The following DOCK1 variants were observed in gnomAD, a reference collection of about 807,000 sequenced individuals.
DOCK1 encodes dedicator of cytokinesis protein 1.
A neutral mutation model predicts 262.7 loss-of-function variants in DOCK1; 138 were observed. That is an observed-to-expected ratio of 0.53 (90% CI 0.46 to 0.61). The LOEUF (loss-of-function observed/expected upper bound fraction) is 0.61, where lower values mean the gene tolerates loss of function less well. Among genes scored for constraint, DOCK1 ranks in the 20% least tolerant of loss-of-function variants. The pLI is 0.00. For synonymous variants in DOCK1, 866 were observed against 867.4 expected, an observed-to-expected ratio of 1.00 and a Z score of 0.03; for missense variants, 1,908 against 2,370.7, an observed-to-expected ratio of 0.80 and a Z score of 4.05.
intron 48 of DOCK1, among the ~76,000 whole-genome samples, chr10:127,434,136 A>T (rs1383024196): frequency 6.7e-6 from 1 of 150,124 alleles, no homozygotes. Context: ...TTCATGATGG[A>T]TGGCCGGGCC....
At chr10:127,105,465 T>C (rs2048477460) in intron 23 of DOCK1, among the ~76,000 whole-genome samples, 1 of 152,196 alleles carries the variant, frequency 6.6e-6, no homozygotes, top group Admixed American at 6.5e-5. Context: ...TATGCAGATA[T>C]ACAGGAAAAC....
chr10:127,182,117 G>A (rs370888319), intron 27 of DOCK1, among the ~76,000 whole-genome samples: 22 of 152,128 alleles, frequency 1.4e-4, no homozygotes, highest in Non-Finnish European at 2.5e-4. Context: ...GAGATGGCAC[G>A]CCCCGTTCCC....
intron 1 of DOCK1, among the ~76,000 whole-genome samples, chr10:126,949,470 G>T (rs1364247752): frequency 6.6e-6 from 1 of 152,126 alleles, no homozygotes; most frequent in Non-Finnish European, 1.5e-5. Context: ...GTGTGTGAGG[G>T]AGGGTTGGTC....
rs192412622 is a variant in DOCK1 at position 127,368,629 on chromosome 10, T to C, written c.3433-5152T>C. Among the ~76,000 whole-genome samples, 160 of 152,254 alleles carry C rather than the reference T, an allele frequency of 1.1e-3. 2 individuals carry two copies. Among genetic ancestry groups the C allele is most frequent in the African/African-American group, 3.6e-3 (149 of 41,552 alleles). ...CTGGCAGGGGAAATGTGGAGAGGCA[T>C]TGGGGTCTTCGCGCCCCTTATCCCA... On this transcript the variant is annotated intron_variant, in intron 33 of 51. Coordinates refer to ENST00000623213, the MANE Select transcript of DOCK1 (RefSeq NM_001290223.2).
chr10:127,093,198 T>C (rs537137008), intron 23 of DOCK1, among the ~76,000 whole-genome samples: 1 of 92,354 alleles, frequency 1.1e-5, no homozygotes, highest in Non-Finnish European at 2.3e-5. Flanking sequence ...TCCCTCTCCT[T>C]TTTCTTTCTT....
At chr10:127,271,349 A>AT (rs2060561199) in intron 29 of DOCK1, among the ~76,000 whole-genome samples, 1 of 152,132 alleles carries the variant, frequency 6.6e-6, no homozygotes, top group Non-Finnish European at 1.5e-5. Flanking sequence ...AGCTCCTGCT[A>AT]TTTTTTCAAC....
At chr10:127,295,800 C>T (rs2061486860) in intron 29 of DOCK1, among the ~76,000 whole-genome samples, 2 of 152,184 alleles carry the variant, frequency 1.3e-5, no homozygotes, top group South Asian at 4.2e-4. Context: ...CCTAGATAAC[C>T]AATAAAGTAG....
chr10:127,402,972 AT>A (rs1206664561), intron 38 of DOCK1, 82 bp from the exon 39 acceptor site: 1 of 1,234,594 alleles, frequency 8.1e-7, no homozygotes. Context: ...ACACTGTTTT[AT>A]TTTGAATGAT....
intron 23 of DOCK1, among the ~76,000 whole-genome samples, chr10:127,102,231 G>T (rs1454571097): frequency 6.6e-6 from 1 of 152,154 alleles, no homozygotes; most frequent in African/African-American, 2.4e-5. Context: ...AATCCCAGCA[G>T]TGCTGACCTG....
chr10:127,024,495 G>A (rs530309947), intron 14 of DOCK1, among the ~76,000 whole-genome samples, 190 bp from the exon 15 acceptor site: 6 of 152,314 alleles, frequency 3.9e-5, no homozygotes, highest in African/African-American at 1.4e-4. Context: ...CAATGTGTGA[G>A]AACAGGGGTT....
intron 27 of DOCK1, among the ~76,000 whole-genome samples, chr10:127,220,653 G>A (rs978162677): frequency 6.6e-6 from 1 of 151,962 alleles, no homozygotes; most frequent in Non-Finnish European, 1.5e-5. Flanking sequence ...ATGGAGGAGC[G>A]ATCGGTGTCC....
At chr10:126,976,193 T>C (rs960208731) in intron 2 of DOCK1, among the ~76,000 whole-genome samples, 3 of 152,182 alleles carry the variant, frequency 2.0e-5, no homozygotes, top group Non-Finnish European at 2.9e-5. Context: ...AGATGGGCGC[T>C]GATACTGGGC....
At position 127,328,119 on chromosome 10, in the gene DOCK1, C is replaced by CAAAAAAAAAAAAA. The variant is rs11301683; in HGVS notation, c.3045-10876_3045-10864dup. On this transcript the variant is annotated intron_variant, in intron 29 of 51. Coordinates refer to ENST00000623213, the MANE Select transcript of DOCK1 (RefSeq NM_001290223.2). ...AAGCACCTAGGCTCCTACAAATGGGCAAAAAAAAAAAAAAAAAAAAAAATC... is the reference window on the plus strand; with the variant it reads ...AAGCACCTAGGCTCCTACAAATGGGCAAAAAAAAAAAAAAAAAAAAAAAAAAAAAAAAAAAATC... 2.8e-5 allele frequency among the ~76,000 whole-genome samples: 2 copies of CAAAAAAAAAAAAA among 72,534 alleles called. 1 individual carries two copies. 47.6% of individuals were successfully genotyped at this position (72,534 alleles called of 152,430 possible).
At chr10:126,996,906 C>A in intron 7 of DOCK1, 23 bp downstream of exon 7, 1 of 1,557,706 alleles carries the variant, frequency 6.4e-7, no homozygotes. Flanking sequence ...CTGTCATATG[C>A]CATTCACGTT....
intron 29 of DOCK1, among the ~76,000 whole-genome samples, chr10:127,306,456 G>A (rs193136713): frequency 6.6e-6 from 1 of 152,258 alleles, no homozygotes; most frequent in East Asian, 1.9e-4. Flanking sequence ...TGGTGCTGTG[G>A]CCATGCCCTT....
At chr10:127,037,006 A>G (rs1409485438) in intron 18 of DOCK1, among the ~76,000 whole-genome samples, 3 of 148,256 alleles carry the variant, frequency 2.0e-5, no homozygotes, top group Non-Finnish European at 3.0e-5. Flanking sequence ...AAGAAAAAGA[A>G]TATCTTGATG....
At chr10:127,407,870 T>C (rs996509207) in intron 40 of DOCK1, among the ~76,000 whole-genome samples, 7 of 152,134 alleles carry the variant, frequency 4.6e-5, no homozygotes, top group Admixed American at 4.6e-4. Context: ...TGTACCCCTG[T>C]GGCTTCTGCT....
chr10:127,397,403 G>C (rs61870332), intron 38 of DOCK1, among the ~76,000 whole-genome samples: 45 of 95,916 alleles, frequency 4.7e-4, no homozygotes, highest in South Asian at 7.1e-4. Context: ...ATCTGAGCAT[G>C]AGTTACATGG....
intron 23 of DOCK1, among the ~76,000 whole-genome samples, chr10:127,063,472 A>ATT (rs572753588): frequency 1.3e-5 from 2 of 149,800 alleles, no homozygotes; most frequent in African/African-American, 4.9e-5. Context: ...CGATTTCTTG[A>ATT]TTTTTTTTTT....
Sources: allele counts gnomAD v4.1 joint callset (sites outside exome capture counted in the v4.1 genomes callset), GRCh38; gene constraint gnomAD v4.1.1; transcripts MANE v1.5; gene names NCBI Gene and HGNC (gene_info 2026-07-23, HGNC 2026-07-21).